Variants in YTHDF2 observed in about 807,000 individuals in gnomAD.
The protein encoded by YTHDF2 is YTH domain-containing family protein 2.
YTHDF2 carries 2 observed loss-of-function variants against 50.4 expected under a neutral mutation model. The observed-to-expected ratio is 0.04, with a 90% CI of 0.02 to 0.12. YTHDF2 has a LOEUF of 0.12. Among genes scored for constraint, YTHDF2 ranks in the 10% least tolerant of loss-of-function variants. The pLI is 1.00. For synonymous variants in YTHDF2, 217 were observed against 255.6 expected, an observed-to-expected ratio of 0.85 and a Z score of 1.44; for missense variants, 483 against 722.6, an observed-to-expected ratio of 0.67 and a Z score of 3.80.
At chr1:28,757,712 C>T (rs1326948685) in intron 4 of YTHDF2, among the ~76,000 whole-genome samples, 1 of 151,026 alleles carries the variant, frequency 6.6e-6, no homozygotes, top group African/African-American at 2.5e-5. Context: ...AAAATGTAAC[C>T]AAATTATAAA....
chr1:28,760,321 G>T (rs6677553), intron 4 of YTHDF2, among the ~76,000 whole-genome samples: 8,875 of 150,222 alleles, frequency 0.059, 851 homozygotes, highest in African/African-American at 0.21. Context: ...GTGTGACGGA[G>T]TCTTGCTGTG....
chr1:28,760,966 C>G (rs543483019), intron 4 of YTHDF2, among the ~76,000 whole-genome samples: 1 of 151,948 alleles, frequency 6.6e-6, no homozygotes. Context: ...TTGTTTACAC[C>G]GCATTACCAC....
chr1:28,767,397 A>T (rs1430173921), intron 4 of YTHDF2, among the ~76,000 whole-genome samples: 1 of 152,202 alleles, frequency 6.6e-6, no homozygotes, highest in Non-Finnish European at 1.5e-5. Flanking sequence ...CTATAGTCTA[A>T]GTTTCTAATT....
chr1:28,737,454 C>A, intron 1 of YTHDF2: 1 of 698,694 alleles, frequency 1.4e-6, no homozygotes, highest in Non-Finnish European at 2.3e-6. Context: ...GCCGGTGGCG[C>A]GTCTGCCGCG....
upstream of YTHDF2, chr1:28,736,826 G>C (rs1207831548): frequency 1.0e-5 from 4 of 395,684 alleles, no homozygotes; most frequent in Non-Finnish European, 1.8e-5. Context: ...GAATGTGAGA[G>C]TCAGCGCTCG....
At chr1:28,760,294 TG>T (rs2088100453) in intron 4 of YTHDF2, among the ~76,000 whole-genome samples, 1 of 151,656 alleles carries the variant, frequency 6.6e-6, no homozygotes, top group African/African-American at 2.4e-5. Flanking sequence ...TGTGTGTGTG[TG>T]TGTGTGTGTG....
intron 3 of YTHDF2, among the ~76,000 whole-genome samples, chr1:28,740,019 ATATATGGATC>A (rs1364651456): frequency 6.6e-6 from 1 of 152,258 alleles, no homozygotes; most frequent in Non-Finnish European, 1.5e-5. Context: ...CTGCATGCCC[ATATATGGATC>A]TGATTATCAC....
chr1:28,755,054 G>A (rs1444866033), intron 4 of YTHDF2, among the ~76,000 whole-genome samples: 2 of 151,842 alleles, frequency 1.3e-5, no homozygotes, highest in African/African-American at 4.8e-5. Context: ...AGATGATGAG[G>A]GCCTGAACCA....
At chr1:28,742,023 G>A (rs2087783785) in intron 3 of YTHDF2, among the ~76,000 whole-genome samples, 1 of 150,140 alleles carries the variant, frequency 6.7e-6, no homozygotes, top group Admixed American at 6.7e-5. Flanking sequence ...TGTGTTTATA[G>A]GAAATCATCT....
At position 28,737,026 on chromosome 1, in the gene YTHDF2, A is replaced by G; in HGVS notation, c.-95A>G. On this transcript the variant is annotated 5_prime_UTR_variant, in exon 1 of 5. Transcript: ENST00000373812. ...GAGGCCCCCGAGTGTCAGGGACAAA[A>G]GCCTCCGCCTGCTCCCGCAGACGGG... 2 of 1,499,442 alleles carry G rather than the reference A, an allele frequency of 1.3e-6. No individual in the cohort carries two copies. Among genetic ancestry groups the G allele is most frequent in the African/African-American group, 1.4e-5 (1 of 70,862 alleles). 92.9% of individuals were successfully genotyped at this position (1,499,442 alleles called of 1,614,324 possible).
chr1:28,767,300 GT>G (rs2088233199), intron 4 of YTHDF2, among the ~76,000 whole-genome samples: 2 of 152,178 alleles, frequency 1.3e-5, no homozygotes, highest in South Asian at 2.1e-4. Context: ...GCATGATGCT[GT>G]TTTGAATTTT....
rs924861671 is a variant in YTHDF2, at chr1:28,744,090, C to G, written c.1716+104C>G. The G allele has an allele frequency of 2.0e-5, 25 of 1,219,538 alleles. No individual in the cohort carries two copies. The South Asian group carries it at 4.4e-4, about 21-fold the overall frequency. 75.5% of individuals were successfully genotyped at this position (1,219,538 alleles called of 1,614,324 possible). ...TTAATAAAAACTCTGTAAATGAATA[C>G]AGTATCACCTAACAGTTCAAGGCTT... On this transcript the variant is annotated intron_variant, in intron 4 of 4. Coordinates refer to ENST00000373812, the MANE Select transcript of YTHDF2 (RefSeq NM_016258.3).
chr1:28,752,735 C>T (rs190441916), intron 4 of YTHDF2, among the ~76,000 whole-genome samples: 1 of 149,506 alleles, frequency 6.7e-6, no homozygotes, highest in African/African-American at 2.4e-5. Context: ...AGCTCTTAAA[C>T]ATTTTTTTTC....
chr1:28,745,556 T>C (rs2087844740), intron 4 of YTHDF2, among the ~76,000 whole-genome samples: 2 of 151,310 alleles, frequency 1.3e-5, no homozygotes, highest in South Asian at 4.2e-4. Flanking sequence ...AGAAACCCCG[T>C]TTCTATTAAA....
intron 3 of YTHDF2, 108 bp downstream of exon 3, chr1:28,738,446 C>A (rs544560692): frequency 9.5e-7 from 1 of 1,054,428 alleles, no homozygotes; most frequent in East Asian, 2.6e-5. Flanking sequence ...TTTCTTTTTT[C>A]TGTTTTCTGT....
Position 28,738,336 on chromosome 1 carries a change from C to G in YTHDF2, c.130C>G (p.Pro44Ala). The change falls in exon 3 of 5, where the codon CCC (proline) becomes GCC (alanine). Residue 44 changes from proline (P) to alanine (A), a missense_variant and splice_region_variant. By Grantham distance (27) the Pro-to-Ala change is conservative. Around this residue, in one of 4 missense-constraint regions of YTHDF2, gnomAD observed 385 missense variants for 475.8 expected, o/e 0.81. Coordinates refer to ENST00000373812, the MANE Select transcript of YTHDF2 (RefSeq NM_016258.3). ...ACCTTACTTGAGTCCACAGGCAAGG[C>G]CCGTGAGTAGTTAACTATTTACATA... ...FEPYLSPQAR[P>A]NNAYTAMSDS... is the part of the protein sequence containing the mutation. 1 of 1,612,652 alleles carries G rather than the reference C, an allele frequency of 6.2e-7. No homozygotes were observed. The highest frequency in any genetic ancestry group is 8.5e-7 in the Non-Finnish European group (1 of 1,178,672).
rs1307842543 is a variant in YTHDF2, at chr1:28,737,152, A to T, written c.27+5A>T. ...GCCAGCAGCCTCTTGGAGCAGGTAC[A>T]GGCCCGGCCCGCATGCCTCGGCCAT... is the stretch of plus-strand genomic sequence containing the variant. On this transcript the variant is annotated splice_donor_5th_base_variant and intron_variant, in intron 1 of 4. Coordinates refer to ENST00000373812, the MANE Select transcript of YTHDF2 (RefSeq NM_016258.3). 2.5e-6 allele frequency: 4 copies of T among 1,593,304 alleles called. No homozygotes were observed. In the East Asian group the frequency reaches 9.2e-5, roughly 37 times the overall value.
intron 4 of YTHDF2, among the ~76,000 whole-genome samples, chr1:28,747,791 T>C (rs1205245683): frequency 6.6e-6 from 1 of 151,524 alleles, no homozygotes; most frequent in Non-Finnish European, 1.5e-5. Flanking sequence ...GCTTCAATTA[T>C]ACTTCTGTCA....
At position 28,742,456 on chromosome 1, in the gene YTHDF2, C is replaced by T. The variant is rs748558755; in HGVS notation, c.186C>T (p.Pro62=). The change falls in exon 4 of 5, where the codon CCC becomes CCT. Residue 62 remains proline, a synonymous_variant. Coordinates refer to ENST00000373812, the MANE Select transcript of YTHDF2 (RefSeq NM_016258.3). ...CCTACTTACCCAGTTACTACAGTCC[C>T]TCCATTGGCTTCTCCTATTCTTTGG... The part of the protein sequence containing the change: ...SDSYLPSYYS[P]SIGFSYSLGE... 1.2e-6 allele frequency: 2 copies of T among 1,610,484 alleles called. No individual in the cohort carries two copies.
Sources: gnomAD v4.1 joint callset for allele counts (sites outside exome capture counted in the v4.1 genomes callset) on GRCh38, gnomAD v4.1.1 for gene constraint, gnomAD v4.1.1 regional missense constraint, MANE v1.5 for transcripts, NCBI Gene and HGNC (gene_info 2026-07-23, HGNC 2026-07-21) for gene names.